GTF3C1: variants seen among roughly 807,000 people sequenced by gnomAD.
GTF3C1 encodes general transcription factor 3C polypeptide 1.
In GTF3C1, 57 loss-of-function variants were observed where a neutral mutation model predicts 226.7. That is an observed-to-expected ratio of 0.25 (90% confidence interval 0.20 to 0.31). The LOEUF is 0.31. GTF3C1 is among the 10% of genes least tolerant of loss of function. The pLI is 1.00. For missense variants in GTF3C1, 2,217 were observed against 2,776.1 expected (o/e 0.80, Z 4.53); for synonymous variants, 1,090 against 1,084.8 (o/e 1.00, Z -0.09).
At chr16:27,539,014 T>C (rs1299634578) in intron 2 of GTF3C1, among the ~76,000 whole-genome samples, 1 of 149,554 alleles carries the variant, frequency 6.7e-6, no homozygotes, top group Non-Finnish European at 1.5e-5. Context: ...CTTTTTTTTT[T>C]TTTTTTTTTT....
chr16:27,483,381 T>A, intron 25 of GTF3C1: 1 of 607,688 alleles, frequency 1.6e-6, no homozygotes, highest in Non-Finnish European at 3.1e-6. Context: ...CCGAGAACAC[T>A]GAGTCCCAAA....
In GTF3C1 at chr16:27,469,060, A is replaced by G. The variant is rs1219205287; in HGVS notation, c.5074+231T>C. On this transcript the variant is annotated intron_variant, in intron 32 of 36. Transcript: ENST00000356183. The surrounding 1 kb of genome is among the most constrained non-coding windows in gnomAD (Gnocchi z 4.5). ...TGCTGGTGCCTGCAGCACAGCTGTGACTAAAAGAGGCGGTGCGGGGAGCTT... is the reference window on the plus strand; with the variant it reads ...TGCTGGTGCCTGCAGCACAGCTGTGGCTAAAAGAGGCGGTGCGGGGAGCTT... Among the ~76,000 whole-genome samples, 1 of 152,218 alleles carries G rather than the reference A, an allele frequency of 6.6e-6. No homozygotes were observed. Among genetic ancestry groups the G allele is most frequent in the Non-Finnish European group, 1.5e-5 (1 of 68,038 alleles).
chr16:27,549,575 C>T (rs1328129407), intron 1 of GTF3C1, 95 bp downstream of exon 1: 3 of 740,556 alleles, frequency 4.1e-6, no homozygotes, highest in East Asian at 2.7e-5. Context: ...GGTACTTGCA[C>T]AGCCCCACTC....
In GTF3C1 at chr16:27,511,057, G is replaced by C. The variant is rs534634935; in HGVS notation, c.1126+692C>G. Among the ~76,000 whole-genome samples, 26 of 152,302 alleles carry C rather than the reference G, an allele frequency of 1.7e-4. No individual in the cohort carries two copies. The South Asian group carries it at 4.8e-3, about 28-fold the overall frequency. On this transcript the variant is annotated intron_variant, in intron 7 of 36. Coordinates refer to ENST00000356183, the MANE Select transcript of GTF3C1 (RefSeq NM_001520.4). ...GATGGTTAACCTTAGGTGTCAATGG[G>C]ACTGGATTAAGGGATACCCAGATCA...
intron 6 of GTF3C1, among the ~76,000 whole-genome samples, chr16:27,525,586 A>T (rs1393017821): frequency 6.6e-6 from 1 of 152,242 alleles, no homozygotes; most frequent in Non-Finnish European, 1.5e-5. Context: ...TAACTAAGCT[A>T]GGAAATAAAG....
rs758520111 is a variant in GTF3C1 at position 27,494,891 on chromosome 16, A to C, written c.2650T>G (p.Ser884Ala). The change falls in exon 16 of 37, where the codon TCG becomes GCG. Residue 884 changes from serine to alanine, a missense_variant. Around this residue, in one of 12 missense-constraint regions of GTF3C1, gnomAD observed 353 missense variants for 411.7 expected, o/e 0.86. Transcript: ENST00000356183. ...ATETVYVDDA[S>A]WMRYIPPIPV... ...ATTGGGGGGATGTAGCGCATCCACG[A>C]GGCATCGTCGACATACACTAGGAAA... 86 of 1,613,778 alleles carry C rather than the reference A, an allele frequency of 5.3e-5. No individual in the cohort carries two copies. Among genetic ancestry groups the C allele is most frequent in the Non-Finnish European group, 6.7e-5 (79 of 1,179,828 alleles).
At chr16:27,511,255 C>G (rs928566705) in intron 7 of GTF3C1, among the ~76,000 whole-genome samples, 1 of 152,224 alleles carries the variant, frequency 6.6e-6, no homozygotes, top group African/African-American at 2.4e-5. Flanking sequence ...TGCCCTCTCT[C>G]TCTTCTGGAG....
At chr16:27,540,224 T>C (rs989334804) in intron 2 of GTF3C1, among the ~76,000 whole-genome samples, 2 of 152,246 alleles carry the variant, frequency 1.3e-5, no homozygotes, top group African/African-American at 2.4e-5. Context: ...GTTTGACACC[T>C]GAAAATAGTA....
chr16:27,486,319 C>T (rs2088137641), intron 23 of GTF3C1, among the ~76,000 whole-genome samples, 165 bp from the exon 24 acceptor site: 1 of 152,174 alleles, frequency 6.6e-6, no homozygotes, highest in Non-Finnish European at 1.5e-5. Flanking sequence ...GCAAAAGACC[C>T]AGCCCCTTCT....
chr16:27,461,612 G>A lies in GTF3C1; in HGVS notation c.6118-50C>T, dbSNP rs767161568. On this transcript the variant is annotated intron_variant, in intron 36 of 36. Transcript: ENST00000356183. The surrounding 1 kb of genome is among the most constrained non-coding windows in gnomAD (Gnocchi z 5.3). ...ACAGCGGCACTGCCCTCGCCTGCTTGTTGATTTATTCTTCAAGCATTTATG... is the reference window on the plus strand; with the variant it reads ...ACAGCGGCACTGCCCTCGCCTGCTTATTGATTTATTCTTCAAGCATTTATG... 28 of 1,363,238 alleles carry A rather than the reference G, an allele frequency of 2.1e-5. No individual in the cohort carries two copies. Among genetic ancestry groups the A allele is most frequent in the South Asian group, 4.7e-5 (4 of 85,594 alleles). 84.4% of individuals were successfully genotyped at this position (1,363,238 alleles called of 1,614,324 possible).
At chr16:27,542,783 T>C (rs1421406090) in intron 2 of GTF3C1, among the ~76,000 whole-genome samples, 1 of 152,184 alleles carries the variant, frequency 6.6e-6, no homozygotes, top group African/African-American at 2.4e-5. Context: ...CTGCACATGT[T>C]CACTGTCCCT....
At chr16:27,481,287 C>T in intron 26 of GTF3C1, 96 bp from the exon 27 acceptor site, 1 of 1,051,718 alleles carries the variant, frequency 9.5e-7, no homozygotes, top group Non-Finnish European at 1.5e-6. Flanking sequence ...CAAACTCCTG[C>T]ACCAGCTAAG....
Position 27,470,010 on chromosome 16 carries a change from C to A in GTF3C1, c.4814+98G>T. Reference sequence around the variant, plus strand: ...AGTCACTCATCTGCAACTCCCATCCCACAAGCTCCCAGAAGGCACTGCTGA... The same window carrying A: ...AGTCACTCATCTGCAACTCCCATCCAACAAGCTCCCAGAAGGCACTGCTGA... On this transcript the variant is annotated intron_variant, in intron 31 of 36. Coordinates refer to ENST00000356183, the MANE Select transcript of GTF3C1 (RefSeq NM_001520.4). This position sits in a 1 kb window ranked among gnomAD's most constrained non-coding sequence, Gnocchi z 4.9. The A allele has an allele frequency of 1.0e-6, 1 of 967,062 alleles. No individual in the cohort carries two copies. The highest frequency in any genetic ancestry group is 1.6e-6 in the Non-Finnish European group (1 of 634,356). The allele number at this position is 967,062 out of a possible 1,614,324, so 59.9% of individuals were successfully genotyped here. A position where few individuals can be genotyped will look rare whatever the true frequency, so the allele number is the denominator to read the frequency against.
At chr16:27,487,724 C>T (rs376131918) in intron 23 of GTF3C1, among the ~76,000 whole-genome samples, 29 of 152,266 alleles carry the variant, frequency 1.9e-4, no homozygotes, top group African/African-American at 4.1e-4. Flanking sequence ...GCCCAGGAGG[C>T]GGAGGTTGCA....
At chr16:27,498,531 T>C in intron 13 of GTF3C1, 99 bp downstream of exon 13, 1 of 752,862 alleles carries the variant, frequency 1.3e-6, no homozygotes, top group Non-Finnish European at 2.5e-6. Flanking sequence ...AATTCACTGA[T>C]CCATGCAGGT....
At chr16:27,506,737 A>G (rs1596640918) in intron 9 of GTF3C1, 110 bp downstream of exon 9, 1 of 696,560 alleles carries the variant, frequency 1.4e-6, no homozygotes, top group East Asian at 2.7e-5. Flanking sequence ...GCCTCTCATT[A>G]GGATGGCACC....
intron 5 of GTF3C1, 36 bp from the exon 6 acceptor site, chr16:27,528,757 C>G: frequency 6.3e-7 from 1 of 1,595,282 alleles, no homozygotes; most frequent in Non-Finnish European, 8.6e-7. Context: ...CTATTAGACA[C>G]AGCAAGATGT....
intron 25 of GTF3C1, 177 bp from the exon 26 acceptor site, chr16:27,483,302 C>T (rs2088085014): frequency 1.4e-6 from 1 of 694,306 alleles, no homozygotes; most frequent in Admixed American, 2.0e-5. Context: ...GTCAGCCAAG[C>T]CTGACCTCAG....
At position 27,528,591 on chromosome 16, in the gene GTF3C1, G is replaced by A; in HGVS notation, c.973+7C>T. On this transcript the variant is annotated splice_region_variant and intron_variant, in intron 6 of 36. Transcript: ENST00000356183. ...CCAAGGGAACAGAAGCTGAGACTCT[G>A]CATTACCTTTCTTTGTCTTACAAGG... 1 of 1,609,714 alleles carries A rather than the reference G, an allele frequency of 6.2e-7. No homozygotes were observed. The highest frequency in any genetic ancestry group is 8.5e-7 in the Non-Finnish European group (1 of 1,176,250).
Sources: gnomAD v4.1 joint callset for allele counts (sites outside exome capture counted in the v4.1 genomes callset) on GRCh38, gnomAD v4.1.1 for gene constraint, gnomAD v4.1.1 regional missense constraint, Gnocchi (gnomAD v3.1) non-coding constraint, MANE v1.5 for transcripts, NCBI Gene and HGNC (gene_info 2026-07-23, HGNC 2026-07-21) for gene names.